Variants in PTPRT observed in about 807,000 individuals in gnomAD.
PTPRT encodes the protein protein tyrosine phosphatase receptor type T.
PTPRT carries 56 observed loss-of-function variants against 176.8 expected under a neutral mutation model. That is an observed-to-expected ratio of 0.32 (90% confidence interval 0.26 to 0.40). The LOEUF is 0.40. Among genes scored for constraint, PTPRT ranks in the 10% least tolerant of loss-of-function variants. The probability of loss-of-function intolerance (pLI) is 1.00; values close to 1 mark genes in which losing one functional copy is unlikely to be tolerated. For synonymous variants in PTPRT, 783 were observed against 739.0 expected (o/e 1.06, Z -0.96); for missense variants, 1,540 against 1,908.2 (o/e 0.81, Z 3.60).
At chr20:42,788,034 G>A (rs959787602) in intron 3 of PTPRT, among the ~76,000 whole-genome samples, 7 of 152,002 alleles carry the variant, frequency 4.6e-5, no homozygotes, top group Non-Finnish European at 1.0e-4. Flanking sequence ...TTACACAAAA[G>A]GAAAAGACAC....
chr20:42,456,733 T>C (rs1375905775), intron 8 of PTPRT, among the ~76,000 whole-genome samples: 1 of 152,164 alleles, frequency 6.6e-6, no homozygotes, highest in Non-Finnish European at 1.5e-5. Flanking sequence ...TCAGATCATT[T>C]GCTAATATTT....
At chr20:42,970,148 G>A (rs893493224) in intron 1 of PTPRT, among the ~76,000 whole-genome samples, 1 of 152,184 alleles carries the variant, frequency 6.6e-6, no homozygotes, top group Non-Finnish European at 1.5e-5. Context: ...TTCAGTCCCT[G>A]TTTGTTCTTG....
At chr20:42,678,806 A>C (rs575825914) in intron 6 of PTPRT, among the ~76,000 whole-genome samples, 10 of 152,334 alleles carry the variant, frequency 6.6e-5, no homozygotes, top group African/African-American at 2.4e-4. Context: ...TCTAGCCTCA[A>C]AGGAAAACCT....
At chr20:42,449,175 G>GA (rs1180139254) in intron 8 of PTPRT, among the ~76,000 whole-genome samples, 1 of 152,192 alleles carries the variant, frequency 6.6e-6, no homozygotes, top group Non-Finnish European at 1.5e-5. Flanking sequence ...CTTGCTCCAA[G>GA]AAGGCAGCTA....
intron 1 of PTPRT, among the ~76,000 whole-genome samples, chr20:43,054,554 C>CA (rs1987162275): frequency 7.2e-6 from 1 of 139,346 alleles, no homozygotes; most frequent in Non-Finnish European, 1.5e-5. Flanking sequence ...ACCCTGTCTC[C>CA]AAAAAAAGAA....
intron 7 of PTPRT, among the ~76,000 whole-genome samples, chr20:42,479,098 TC>T (rs1267013735): frequency 4.6e-5 from 7 of 152,188 alleles, no homozygotes; most frequent in African/African-American, 1.4e-4. Flanking sequence ...TCAGCCTCCA[TC>T]CCTGCTGTCA....
chr20:42,549,713 C>T (rs2072735065), intron 7 of PTPRT, among the ~76,000 whole-genome samples: 1 of 152,148 alleles, frequency 6.6e-6, no homozygotes, highest in Non-Finnish European at 1.5e-5. Context: ...ACCCTCGCCA[C>T]AGCTGGTGAA....
intron 1 of PTPRT, among the ~76,000 whole-genome samples, chr20:42,925,194 A>C (rs566823246): frequency 1.2e-3 from 186 of 152,344 alleles, no homozygotes; most frequent in African/African-American, 4.4e-3. Flanking sequence ...TCCAAATGCT[A>C]GTAGCACCTG....
intron 13 of PTPRT, among the ~76,000 whole-genome samples, chr20:42,276,555 AT>A (rs1305585333): frequency 1.2e-5 from 1 of 82,374 alleles, no homozygotes; most frequent in African/African-American, 4.6e-5. Context: ...ATATATATAT[AT>A]ATAATGTTCT....
chr20:42,096,756 A>AATTTTTTTTTTT, intron 27 of PTPRT, among the ~76,000 whole-genome samples: 2 of 118,868 alleles, frequency 1.7e-5, no homozygotes, highest in Non-Finnish European at 3.5e-5. Flanking sequence ...GCTAATTAAA[A>AATTTTTTTTTTT]TTTTTTTTTT....
intron 1 of PTPRT, among the ~76,000 whole-genome samples, chr20:43,096,685 C>A (rs2057744821): frequency 6.6e-6 from 1 of 152,226 alleles, no homozygotes; most frequent in Non-Finnish European, 1.5e-5. Flanking sequence ...ACTGAGAAGG[C>A]CAGACAATCC....
chr20:42,595,333 C>A (rs2073652326), intron 7 of PTPRT, among the ~76,000 whole-genome samples: 1 of 152,164 alleles, frequency 6.6e-6, no homozygotes, highest in East Asian at 1.9e-4. Flanking sequence ...TGTGGAACTG[C>A]TCAGTGCACT....
chr20:42,350,360 C>T (rs2058264689), intron 11 of PTPRT, among the ~76,000 whole-genome samples: 2 of 151,774 alleles, frequency 1.3e-5, no homozygotes, highest in Admixed American at 1.3e-4. Context: ...TCTCGAGTAG[C>T]CGGTACTACA....
chr20:42,198,777 T>C (rs1168420708), intron 16 of PTPRT, among the ~76,000 whole-genome samples: 1 of 152,208 alleles, frequency 6.6e-6, no homozygotes, highest in Non-Finnish European at 1.5e-5. Flanking sequence ...GTATTTTAGA[T>C]AAGTTGCTTC....
intron 7 of PTPRT, among the ~76,000 whole-genome samples, chr20:42,597,940 G>T (rs2073702730): frequency 6.6e-6 from 1 of 151,900 alleles, no homozygotes; most frequent in African/African-American, 2.4e-5. Flanking sequence ...TACAATCTTT[G>T]CCATAGTAAT....
intron 1 of PTPRT, among the ~76,000 whole-genome samples, chr20:43,103,750 G>GTAATAATAATAATAATAA (rs3092031): frequency 0.018 from 2,643 of 146,050 alleles, 59 homozygotes; most frequent in African/African-American, 0.046. Context: ...GGGGAGATCA[G>GTAATAATAATAATAATAA]TAATAATAAT....
At chr20:43,076,424 G>A (rs1167985530) in intron 1 of PTPRT, among the ~76,000 whole-genome samples, 14 of 106,002 alleles carry the variant, frequency 1.3e-4, no homozygotes, top group African/African-American at 4.2e-4. Flanking sequence ...CAAGCCAAAT[G>A]AAACCAAAAA....
chr20:42,762,344 T>C (rs891601651), intron 5 of PTPRT, among the ~76,000 whole-genome samples: 15 of 152,220 alleles, frequency 9.9e-5, no homozygotes, highest in African/African-American at 3.6e-4. Context: ...GCATTTCTAA[T>C]TGGTTCCCTG....
chr20:42,056,156 GC>G, the PTPRT span, among the ~76,000 whole-genome samples: 2 of 152,222 alleles, frequency 1.3e-5, no homozygotes, highest in Admixed American at 1.3e-4. Context: ...CCTGAGATGG[GC>G]TTTTAGAAGC....
Sources: allele counts gnomAD v4.1 joint callset (sites outside exome capture counted in the v4.1 genomes callset), GRCh38; gene constraint gnomAD v4.1.1; transcripts MANE v1.5; gene names NCBI Gene and HGNC (gene_info 2026-07-23, HGNC 2026-07-21).